The following LRRK2 variants were observed in gnomAD, a reference collection of about 807,000 sequenced individuals.
LRRK2 encodes the protein leucine-rich repeat serine/threonine-protein kinase 2.
A neutral mutation model predicts 302.6 loss-of-function variants in LRRK2; 203 were observed. That is an observed-to-expected ratio of 0.67 (90% CI 0.60 to 0.75). The LOEUF is 0.75. Among genes scored for constraint, LRRK2 ranks in the 30% least tolerant of loss-of-function variants. The probability of loss-of-function intolerance (pLI) is 0.00; values close to 1 mark genes in which losing one functional copy is unlikely to be tolerated. For missense variants in LRRK2, 2,830 were observed against 2,951.0 expected (o/e 0.96, Z 0.95); for synonymous variants, 1,066 against 1,031.9 (o/e 1.03, Z -0.63).
intron 4 of LRRK2, among the ~76,000 whole-genome samples, chr12:40,236,492 G>T (rs1018521346): frequency 6.6e-6 from 1 of 152,190 alleles, no homozygotes; most frequent in Non-Finnish European, 1.5e-5. Context: ...GGGCATTGCT[G>T]TGCTGGACAC....
intron 2 of LRRK2, among the ~76,000 whole-genome samples, chr12:40,227,219 C>A (rs1412678417): frequency 1.3e-5 from 2 of 152,040 alleles, no homozygotes; most frequent in African/African-American, 4.8e-5. Flanking sequence ...TTTGGGGATA[C>A]ATATGCTATT....
intron 5 of LRRK2, 101 bp downstream of exon 5, chr12:40,238,204 CCTA>C (rs1941559640): frequency 3.3e-6 from 4 of 1,228,630 alleles, no homozygotes; most frequent in East Asian, 2.4e-5. Context: ...TTTCTAAAAT[CCTA>C]CTATTTATTA....
At chr12:40,260,585 C>T (rs867794952) in intron 13 of LRRK2, among the ~76,000 whole-genome samples, 14 of 152,034 alleles carry the variant, frequency 9.2e-5, no homozygotes, top group Middle Eastern at 3.4e-3. Context: ...AAATTTTTTG[C>T]CTTTTAAAAA....
intron 37 of LRRK2, 25 bp downstream of exon 37, chr12:40,322,535 T>A: frequency 1.9e-6 from 3 of 1,583,032 alleles, no homozygotes; most frequent in Non-Finnish European, 2.6e-6. Context: ...AACTTACAAA[T>A]GCTTTTAAGT....
At chr12:40,253,882 A>C (rs545293570) in intron 11 of LRRK2, among the ~76,000 whole-genome samples, 4 of 152,308 alleles carry the variant, frequency 2.6e-5, no homozygotes, top group African/African-American at 9.6e-5. Context: ...ATAGAAATGC[A>C]ACTGGGTAGA....
In LRRK2 at chr12:40,368,279, A is replaced by G. The variant is rs1946937503; in HGVS notation, c.*514A>G. 6.6e-6 allele frequency: 1 copy of G among 152,042 alleles called. No homozygotes were observed. Among genetic ancestry groups the G allele is most frequent in the Non-Finnish European group, 1.5e-5 (1 of 67,848 alleles). The allele number at this position is 152,042 out of a possible 1,614,324, so 9.4% of individuals were successfully genotyped here. ...TAAATATTCAAATGAATTTGCACTAATAAAGTCCTTTGTTGGTATGTGAAT... is the reference window on the plus strand; with the variant it reads ...TAAATATTCAAATGAATTTGCACTAGTAAAGTCCTTTGTTGGTATGTGAAT... On this transcript the variant is annotated 3_prime_UTR_variant, in exon 51 of 51. Transcript: ENST00000298910.
chr12:40,227,446 C>CT (rs1442639950), intron 2 of LRRK2, among the ~76,000 whole-genome samples: 1 of 152,170 alleles, frequency 6.6e-6, no homozygotes, highest in Non-Finnish European at 1.5e-5. Flanking sequence ...ACCACCTTCT[C>CT]TTTATCCCTC....
At chr12:40,300,483 T>C (rs1944582690) in intron 25 of LRRK2, among the ~76,000 whole-genome samples, 1 of 152,236 alleles carries the variant, frequency 6.6e-6, no homozygotes, top group Non-Finnish European at 1.5e-5. Flanking sequence ...TAATTCTATT[T>C]AATAGCAGAA....
intron 7 of LRRK2, among the ~76,000 whole-genome samples, chr12:40,246,092 G>A (rs528541822): frequency 1.1e-4 from 17 of 151,448 alleles, no homozygotes; most frequent in Non-Finnish European, 2.5e-4. Context: ...TCTTACAAGG[G>A]TTTAAACTTT....
chr12:40,303,616 A>G (rs1027856839), intron 26 of LRRK2, among the ~76,000 whole-genome samples: 7 of 152,092 alleles, frequency 4.6e-5, no homozygotes, highest in African/African-American at 1.2e-4. Flanking sequence ...ACACAAACCT[A>G]TAATAGCTAA....
chr12:40,232,264 T>C lies in LRRK2; in HGVS notation c.238-10T>C. ...TAAAACATGTGAATATATGTCTTTCTTGTTTTCAGGTGGGTTGGTCACTTC... is the reference window on the plus strand; with the variant it reads ...TAAAACATGTGAATATATGTCTTTCCTGTTTTCAGGTGGGTTGGTCACTTC... On this transcript the variant is annotated splice_polypyrimidine_tract_variant and intron_variant, in intron 2 of 50. Transcript: ENST00000298910. 6.3e-7 allele frequency: 1 copy of C among 1,595,786 alleles called. No individual in the cohort carries two copies. The highest frequency in any genetic ancestry group is 8.6e-7 in the Non-Finnish European group (1 of 1,163,282).
In LRRK2 at chr12:40,303,937, T is replaced by C; in HGVS notation, c.3591-11T>C. Reference sequence around the variant, plus strand: ...TCATTTGGTTTATGTCTTTTCTGTGTATTGTTTTAGCTTGCGGTCTTTAGA... The same window carrying C: ...TCATTTGGTTTATGTCTTTTCTGTGCATTGTTTTAGCTTGCGGTCTTTAGA... On this transcript the variant is annotated splice_polypyrimidine_tract_variant and intron_variant, in intron 26 of 50. Coordinates refer to ENST00000298910, the MANE Select transcript of LRRK2 (RefSeq NM_198578.4). 1.2e-6 allele frequency: 2 copies of C among 1,613,110 alleles called. No homozygotes were observed. Among genetic ancestry groups the C allele is most frequent in the Non-Finnish European group, 1.7e-6 (2 of 1,179,228 alleles).
In LRRK2 at chr12:40,278,047, T is replaced by C. The variant is rs376265775; in HGVS notation, c.2070+31T>C. The C allele has an allele frequency of 1.5e-5, 25 of 1,613,726 alleles. No homozygotes were observed. In the African/African-American group the frequency reaches 2.8e-4, roughly 18 times the overall value. On this transcript the variant is annotated intron_variant, in intron 17 of 50. Transcript: ENST00000298910. ...GTGTTTTTCACTTGCATCCTAAATG[T>C]TATGTATTTATCTGACTCTAATTCT... is the stretch of plus-strand genomic sequence containing the variant.
intron 47 of LRRK2, among the ~76,000 whole-genome samples, chr12:40,361,709 A>G (rs964806952): frequency 2.0e-5 from 3 of 152,074 alleles, no homozygotes; most frequent in East Asian, 1.9e-4. Context: ...TCATCTCCCA[A>G]AAGAGATTGG....
chr12:40,265,489 T>G (rs1299323794), intron 14 of LRRK2, among the ~76,000 whole-genome samples: 1 of 152,168 alleles, frequency 6.6e-6, no homozygotes, highest in Non-Finnish European at 1.5e-5. Context: ...AAATTGGCAC[T>G]AGGAAGACTC....
chr12:40,243,497 T>C, intron 6 of LRRK2, 53 bp from the exon 7 acceptor site: 1 of 1,598,936 alleles, frequency 6.3e-7, no homozygotes, highest in Admixed American at 1.7e-5. Flanking sequence ...GTATGCATAT[T>C]TGAAAGGAGA....
rs1431729780 is a variant in LRRK2, at chr12:40,225,190, TAGTC to T, written c.62_65del (p.Val21GlyfsTer2). On this transcript the variant is annotated frameshift_variant, in exon 1 of 51. Transcript: ENST00000298910. LOFTEE classifies it high-confidence loss of function. ...GACGAGGAAACTCTGAAGAAGTTGA[TAGTC>T]AGGCTGAACAATGTCCAGGAAGGAA... 1 of 1,614,144 alleles carries T rather than the reference TAGTC, an allele frequency of 6.2e-7. No homozygotes were observed. The highest frequency in any genetic ancestry group is 8.5e-7 in the Non-Finnish European group (1 of 1,180,022).
At chr12:40,271,653 T>C (rs1943236180) in intron 14 of LRRK2, among the ~76,000 whole-genome samples, 1 of 152,170 alleles carries the variant, frequency 6.6e-6, no homozygotes, top group African/African-American at 2.4e-5. Context: ...GGAAATTCTA[T>C]TGTGGGCTTG....
chr12:40,326,191 G>T (rs1945542629), intron 38 of LRRK2, among the ~76,000 whole-genome samples: 1 of 152,106 alleles, frequency 6.6e-6, no homozygotes, highest in Non-Finnish European at 1.5e-5. Flanking sequence ...TCTGCCGGGC[G>T]CAGTGGCTCA....
Sources: gnomAD v4.1 joint callset for allele counts (sites outside exome capture counted in the v4.1 genomes callset) on GRCh38, gnomAD v4.1.1 for gene constraint, MANE v1.5 for transcripts, NCBI Gene and HGNC (gene_info 2026-07-23, HGNC 2026-07-21) for gene names.